ABRAXAS1: variants seen among roughly 807,000 people sequenced by gnomAD.
ABRAXAS1 encodes abraxas 1, BRCA1 A complex subunit, also known as BRCA1-A complex subunit Abraxas 1.
Under a neutral mutation model 38.4 loss-of-function variants are expected in ABRAXAS1, and 26 were observed. The ratio of observed to expected loss-of-function variants is 0.68; its 90% confidence interval spans 0.50 to 0.94. ABRAXAS1 has a LOEUF of 0.94. ABRAXAS1 is among the 40% of genes least tolerant of loss of function. The pLI is 0.00. For synonymous variants in ABRAXAS1, 144 were observed against 165.5 expected (o/e 0.87, Z 1.00); for missense variants, 438 against 481.9 (o/e 0.91, Z 0.85).
chr4:83,460,905 C>CAAA lies in ABRAXAS1; in HGVS notation c.*1561_*1563dup. The CAAA allele has an allele frequency of 1.6e-6, 2 of 1,265,552 alleles. No homozygotes were observed. Among genetic ancestry groups the CAAA allele is most frequent in the Non-Finnish European group, 2.2e-6 (2 of 915,242 alleles). 78.4% of individuals were successfully genotyped at this position (1,265,552 alleles called of 1,614,324 possible). Reference sequence around the variant, plus strand: ...TGGGTGACACAGGGAGACTCCATCTCAAAAAAAAAAATTGCAAACTTTAAA... The same window carrying CAAA: ...TGGGTGACACAGGGAGACTCCATCTCAAAAAAAAAAAAAATTGCAAACTTTAAA... On this transcript the variant is annotated 3_prime_UTR_variant, in exon 9 of 9. Coordinates refer to ENST00000321945, the MANE Select transcript of ABRAXAS1 (RefSeq NM_139076.3).
Position 83,482,093 on chromosome 4 carries a change from C to T in ABRAXAS1, c.178+61G>A. 8 of 1,092,128 alleles carry T rather than the reference C, an allele frequency of 7.3e-6. No individual in the cohort carries two copies. In the South Asian group the frequency reaches 1.1e-4, roughly 16 times the overall value. 67.7% of individuals were successfully genotyped at this position (1,092,128 alleles called of 1,614,324 possible). ...AATAATTTACGCTGACCCCTTTCAG[C>T]ATAAACTATCAAATATAGGAGACAC... On this transcript the variant is annotated intron_variant, in intron 2 of 8. Coordinates refer to ENST00000321945, the MANE Select transcript of ABRAXAS1 (RefSeq NM_139076.3).
intron 7 of ABRAXAS1, 72 bp from the exon 8 acceptor site, chr4:83,463,680 A>C (rs935467365): frequency 1.3e-6 from 1 of 759,806 alleles, no homozygotes; most frequent in African/African-American, 1.8e-5. Flanking sequence ...AGATTCACAA[A>C]TAATATAAAA....
At chr4:83,477,216 C>CA (rs1300439471) in intron 2 of ABRAXAS1, among the ~76,000 whole-genome samples, 1 of 152,098 alleles carries the variant, frequency 6.6e-6, no homozygotes, top group African/African-American at 2.4e-5. Context: ...CCTAATACCA[C>CA]AATGCAGTTG....
At chr4:83,481,180 A>G (rs911973662) in intron 2 of ABRAXAS1, among the ~76,000 whole-genome samples, 8 of 152,170 alleles carry the variant, frequency 5.3e-5, no homozygotes, top group African/African-American at 1.7e-4. Flanking sequence ...AGGATTATGC[A>G]ACATTGTAAA....
At position 83,460,795 on chromosome 4, in the gene ABRAXAS1, A is replaced by C; in HGVS notation, c.*1674T>G. The stretch of plus-strand genomic sequence containing the variant: ...GCGGTGCATGCCTGTAATTCCAGTT[A>C]CTAAGGAGGCTGAGGCAAGATAATC... On this transcript the variant is annotated 3_prime_UTR_variant, in exon 9 of 9. Transcript: ENST00000321945. 1 of 574,926 alleles carries C rather than the reference A, an allele frequency of 1.7e-6. No individual in the cohort carries two copies. The highest frequency in any genetic ancestry group is 3.1e-6 in the Non-Finnish European group (1 of 319,230). 35.6% of individuals were successfully genotyped at this position (574,926 alleles called of 1,614,324 possible).
At chr4:83,476,818 G>A (rs557653032) in intron 2 of ABRAXAS1, 139 bp from the exon 3 acceptor site, 41 of 575,664 alleles carry the variant, frequency 7.1e-5, no homozygotes, top group Admixed American at 1.4e-4. Flanking sequence ...ACAAATCTGC[G>A]ACATATACTA....
chr4:83,461,059 A>G lies in ABRAXAS1; in HGVS notation c.*1410T>C, dbSNP rs183008110. 3.1e-6 allele frequency: 5 copies of G among 1,612,290 alleles called. No individual in the cohort carries two copies. The East Asian group carries it at 1.1e-4, about 36-fold the overall frequency. On this transcript the variant is annotated 3_prime_UTR_variant, in exon 9 of 9. Coordinates refer to ENST00000321945, the MANE Select transcript of ABRAXAS1 (RefSeq NM_139076.3). ...TAAGAAAGAATACCTCAACAACTGA[A>G]TTGAGCTAGCTGAAATTTTGCTCAT...
rs142662452 is a variant in ABRAXAS1 at position 83,481,630 on chromosome 4, A to G, written c.178+524T>C. On this transcript the variant is annotated intron_variant, in intron 2 of 8. Transcript: ENST00000321945. ...TTTCATCCTTGTTTCCCTGGCAGTA[A>G]TCTTATCTGCTTCCTAAGTCTCATA... Among the ~76,000 whole-genome samples the G allele has an allele frequency of 2.0e-5, 3 of 152,332 alleles. No homozygotes were observed. The East Asian group carries it at 5.8e-4, about 29-fold the overall frequency.
chr4:83,480,494 A>C, intron 2 of ABRAXAS1: 2 of 220,020 alleles, frequency 9.1e-6, no homozygotes, highest in Non-Finnish European at 1.9e-5. Context: ...AAGGAAACTA[A>C]TGAGAGTTTA....
At position 83,465,078 on chromosome 4, in the gene ABRAXAS1, C is replaced by G. The variant is rs543983578; in HGVS notation, c.682-1470G>C. ...TGGGAGGCTGAGGCAGGTAGATAAC[C>G]TGAGGTCTTGGGTTCGAGACCAACC... On this transcript the variant is annotated intron_variant, in intron 7 of 8. Coordinates refer to ENST00000321945, the MANE Select transcript of ABRAXAS1 (RefSeq NM_139076.3). Among the ~76,000 whole-genome samples the G allele has an allele frequency of 4.0e-5, 6 of 151,698 alleles. No individual in the cohort carries two copies. In the South Asian group the frequency reaches 1.0e-3, roughly 26 times the overall value.
Position 83,462,880 on chromosome 4 carries a change from G to A in ABRAXAS1, c.819C>T (p.Asp273=). ...QAAREKNIQK[D]PQENIFLCQA... is the part of the protein sequence containing the mutation. The stretch of plus-strand genomic sequence containing the variant: ...GACAAAGAAAAATGTTCTCCTGAGG[G>A]TCTTTTTGGATGTTCTTCTCTCCTA... The change falls in exon 9 of 9, where the codon GAC becomes GAT. Residue 273 remains aspartate, a synonymous_variant. Transcript: ENST00000321945. The A allele has an allele frequency of 6.3e-7, 1 of 1,584,588 alleles. No individual in the cohort carries two copies. The highest frequency in any genetic ancestry group is 1.2e-5 in the South Asian group (1 of 84,934).
intron 7 of ABRAXAS1, among the ~76,000 whole-genome samples, chr4:83,464,597 G>A (rs1423689238): frequency 6.6e-6 from 1 of 152,150 alleles, no homozygotes; most frequent in Non-Finnish European, 1.5e-5. Context: ...TGTCTGCCAA[G>A]CCTACTTTTT....
intron 6 of ABRAXAS1, among the ~76,000 whole-genome samples, chr4:83,468,093 G>A (rs1294953838): frequency 2.6e-5 from 4 of 151,906 alleles, no homozygotes; most frequent in African/African-American, 4.8e-5. Flanking sequence ...ACCTGAGGTC[G>A]GGAGTTTGAG....
chr4:83,481,916 A>T (rs951117419), intron 2 of ABRAXAS1, among the ~76,000 whole-genome samples: 3 of 151,928 alleles, frequency 2.0e-5, no homozygotes, highest in Non-Finnish European at 4.4e-5. Context: ...CACCTGGCTA[A>T]TTTTTGTATT....
chr4:83,459,591 G>T lies in ABRAXAS1; in HGVS notation c.*2878C>A. The T allele has an allele frequency of 1.6e-6, 1 of 641,444 alleles. No individual in the cohort carries two copies. The highest frequency in any genetic ancestry group is 2.9e-5 in the East Asian group (1 of 34,552). The allele number at this position is 641,444 out of a possible 1,614,324, so 39.7% of individuals were successfully genotyped here. A position where few individuals can be genotyped will look rare whatever the true frequency, so the allele number is the denominator to read the frequency against. On this transcript the variant is annotated 3_prime_UTR_variant, in exon 9 of 9. Coordinates refer to ENST00000321945, the MANE Select transcript of ABRAXAS1 (RefSeq NM_139076.3). The stretch of plus-strand genomic sequence containing the variant: ...GAAAATATTTAAAAGGTAACAGGAG[G>T]ATAACAATATTTTTTTCTTATATTT...
At chr4:83,478,965 CAG>C (rs1389093534) in intron 2 of ABRAXAS1, 1 of 152,004 alleles carries the variant, frequency 6.6e-6, no homozygotes, top group African/African-American at 2.4e-5. Context: ...CTATCCTTTT[CAG>C]AGAAAATGGC....
At position 83,472,178 on chromosome 4, in the gene ABRAXAS1, A is replaced by C. The variant is rs762912061; in HGVS notation, c.282+44T>G. 7.8e-6 allele frequency: 10 copies of C among 1,285,528 alleles called. No individual in the cohort carries two copies. In the East Asian group the frequency reaches 2.4e-4, roughly 31 times the overall value. The allele number at this position is 1,285,528 out of a possible 1,614,324, so 79.6% of individuals were successfully genotyped here. On this transcript the variant is annotated intron_variant, in intron 4 of 8. Transcript: ENST00000321945. ...CTGTGTGTTTTTAAGAACCAAAAAC[A>C]ATGCAAATAATACCAAAAAAAGGGA...
chr4:83,467,785 G>A (rs1709039530), intron 6 of ABRAXAS1, among the ~76,000 whole-genome samples: 1 of 152,128 alleles, frequency 6.6e-6, no homozygotes, highest in Non-Finnish European at 1.5e-5. Flanking sequence ...GAGGATGGGC[G>A]GGGGATGGGG....
intron 1 of ABRAXAS1, among the ~76,000 whole-genome samples, chr4:83,483,409 T>C (rs1723064113): frequency 6.6e-6 from 1 of 151,736 alleles, no homozygotes; most frequent in South Asian, 2.1e-4. Context: ...GCCTTCCAAG[T>C]AGCTGGGTCT....
Sources: allele counts gnomAD v4.1 joint callset (sites outside exome capture counted in the v4.1 genomes callset), GRCh38; gene constraint gnomAD v4.1.1; transcripts MANE v1.5; gene names NCBI Gene and HGNC (gene_info 2026-07-23, HGNC 2026-07-21).